Variants in REPS2 observed in about 807,000 individuals in gnomAD.
REPS2 encodes the protein ralBP1-associated Eps domain-containing protein 2.
Under a neutral mutation model 53.6 loss-of-function variants are expected in REPS2, and 23 were observed. The ratio of observed to expected loss-of-function variants is 0.43; its 90% CI spans 0.31 to 0.61. The LOEUF is 0.61. Among genes scored for constraint, REPS2 ranks in the 20% least tolerant of loss-of-function variants. The probability of loss-of-function intolerance (pLI) is 0.11; values close to 1 mark genes in which losing one functional copy is unlikely to be tolerated. For missense variants in REPS2, 446 were observed against 534.9 expected (o/e 0.83, Z 1.64); for synonymous variants, 238 against 218.6 (o/e 1.09, Z -0.78).
chrX:17,176,349 T>C, the REPS2 span, among the ~76,000 whole-genome samples: 1 of 111,502 alleles, frequency 9.0e-6, no homozygotes, highest in Non-Finnish European at 1.9e-5. Context: ...CAGCAGGTAA[T>C]TGATGGCTTC....
At chrX:17,048,981 C>T (rs1042944203) in intron 6 of REPS2, among the ~76,000 whole-genome samples, 2 of 111,696 alleles carry the variant, frequency 1.8e-5, no homozygotes, top group African/African-American at 6.5e-5. Context: ...CTGCAGCCTC[C>T]GCCTCCCGGG....
chrX:16,983,675 T>A (rs1485507664), intron 1 of REPS2, among the ~76,000 whole-genome samples: 2 of 112,345 alleles, frequency 1.8e-5, no homozygotes, highest in Non-Finnish European at 3.8e-5. Context: ...GTTAATGTTT[T>A]GTATTTTCAG....
chrX:17,134,698 C>T lies in REPS2; in HGVS notation c.1663-563C>T, dbSNP rs763093802. Among the ~76,000 whole-genome samples the T allele has an allele frequency of 2.7e-5, 3 of 109,934 alleles. No homozygotes were observed. In the East Asian group the frequency reaches 8.6e-4, roughly 31 times the overall value. On this transcript the variant is annotated intron_variant, in intron 15 of 17. Transcript: ENST00000357277. ...AGGCTGGAGTGCAGTGGCGCGATCT[C>T]GGCTCACTGCAAGCTCCCAGGTTCA...
At chrX:16,949,548 C>T (rs1184703962) in intron 1 of REPS2, among the ~76,000 whole-genome samples, 1 of 111,818 alleles carries the variant, frequency 8.9e-6, no homozygotes, top group African/African-American at 3.3e-5. Flanking sequence ...GCTGGGACTA[C>T]AGGCGCACGC....
At chrX:17,085,444 A>G (rs1025963918) in intron 13 of REPS2, among the ~76,000 whole-genome samples, 1 of 111,962 alleles carries the variant, frequency 8.9e-6, no homozygotes, top group African/African-American at 3.2e-5. Context: ...TATGGCTTGC[A>G]TTGAATTTGT....
chrX:17,141,153 A>G (rs376503288), intron 17 of REPS2, among the ~76,000 whole-genome samples: 1 of 111,921 alleles, frequency 8.9e-6, no homozygotes, highest in Non-Finnish European at 1.9e-5. Context: ...AAGATAGAGA[A>G]TATTACCATC....
At chrX:17,001,922 T>G (rs1264066563) in intron 1 of REPS2, among the ~76,000 whole-genome samples, 1 of 111,411 alleles carries the variant, frequency 9.0e-6, no homozygotes, top group African/African-American at 3.3e-5. Context: ...GAAAGACCGA[T>G]CCCCGTGATT....
intron 4 of REPS2, 43 bp from the exon 5 acceptor site, chrX:17,029,483 G>A: frequency 1.1e-6 from 1 of 929,411 alleles, no homozygotes; most frequent in South Asian, 2.1e-5. Context: ...TTTTTGAATG[G>A]AATCTTTGCA....
At chrX:16,981,428 A>C (rs953003992) in intron 1 of REPS2, among the ~76,000 whole-genome samples, 1 of 112,748 alleles carries the variant, frequency 8.9e-6, no homozygotes, top group Non-Finnish European at 1.9e-5. Flanking sequence ...AAAGTGGCAG[A>C]GTGAATTTGC....
chrX:17,052,787 G>A (rs995302890), intron 7 of REPS2, among the ~76,000 whole-genome samples: 1 of 112,291 alleles, frequency 8.9e-6, no homozygotes, highest in Non-Finnish European at 1.9e-5. Context: ...TGCTAGGTGT[G>A]ATACAAGTAA....
intron 13 of REPS2, among the ~76,000 whole-genome samples, chrX:17,096,231 T>C (rs937090319): frequency 8.9e-6 from 1 of 111,888 alleles, no homozygotes; most frequent in Admixed American, 9.5e-5. Flanking sequence ...AAAGTTTTCC[T>C]GTCGGTAAAG....
chrX:17,175,534 G>GT, the REPS2 span, among the ~76,000 whole-genome samples: 2 of 112,039 alleles, frequency 1.8e-5, no homozygotes, highest in Admixed American at 9.4e-5. Context: ...CAGGTAGCTA[G>GT]TTTTTTTGTG....
intron 12 of REPS2, chrX:17,074,524 C>G (rs1045873843): frequency 6.9e-6 from 1 of 144,013 alleles, no homozygotes; most frequent in Non-Finnish European, 1.4e-5. Flanking sequence ...AAGGTGAACA[C>G]CAAAAAGTAA....
chrX:17,107,352 G>T (rs150330887), intron 14 of REPS2, among the ~76,000 whole-genome samples: 6,221 of 111,881 alleles, frequency 0.056, 194 homozygotes, highest in Non-Finnish European at 0.081. Flanking sequence ...AAGTTCTCTT[G>T]TGAGGATTTC....
chrX:17,182,370 G>C, the REPS2 span, among the ~76,000 whole-genome samples: 1 of 111,529 alleles, frequency 9.0e-6, no homozygotes, highest in Non-Finnish European at 1.9e-5. Flanking sequence ...GACCGAATAA[G>C]GTTGCAAGAT....
chrX:17,076,805 T>C (rs1286841761), intron 12 of REPS2, among the ~76,000 whole-genome samples: 2 of 111,676 alleles, frequency 1.8e-5, no homozygotes, highest in African/African-American at 6.5e-5. Context: ...CATATTCCCC[T>C]GAACATTGAA....
At chrX:16,995,637 C>T (rs997112036) in intron 1 of REPS2, among the ~76,000 whole-genome samples, 2 of 112,065 alleles carry the variant, frequency 1.8e-5, no homozygotes, top group South Asian at 3.7e-4. Flanking sequence ...AACTCTGACA[C>T]GGCTTGCCCT....
At position 17,135,393 on chromosome X, in the gene REPS2, C is replaced by G; in HGVS notation, c.1795C>G (p.Pro599Ala). The G allele has an allele frequency of 8.3e-7, 1 of 1,208,683 alleles. No individual in the cohort carries two copies. The highest frequency in any genetic ancestry group is 1.1e-6 in the Non-Finnish European group (1 of 894,697). ...TTCTGCGGCAACCATGAAACCGCAT[C>G]CAACAGTCCAAAAGTAAGTAGACCA... is the stretch of plus-strand genomic sequence containing the variant. ...PASAATMKPH[P>A]TVQKQSSKQK... Residue 599 changes from proline to alanine, a missense_variant, in exon 16 of 18, where the codon CCA becomes GCA. By Grantham distance (27) the Pro-to-Ala change is conservative. Coordinates refer to ENST00000357277, the MANE Select transcript of REPS2 (RefSeq NM_004726.3).
chrX:17,110,559 G>T (rs1449917101), intron 14 of REPS2, among the ~76,000 whole-genome samples: 1 of 106,884 alleles, frequency 9.4e-6, no homozygotes, highest in Non-Finnish European at 1.9e-5. Context: ...GGGCGGGGTG[G>T]CAGGCGCCTG....
Sources: gnomAD v4.1 joint callset for allele counts (sites outside exome capture counted in the v4.1 genomes callset) on GRCh38, gnomAD v4.1.1 for gene constraint, MANE v1.5 for transcripts, NCBI Gene and HGNC (gene_info 2026-07-23, HGNC 2026-07-21) for gene names.